Variants in SAMMSON observed in about 807,000 individuals in gnomAD.
SAMMSON encodes the protein survival associated mitochondrial melanoma specific oncogenic non-coding RNA.
chr3:70,192,574 A>G (rs930670620), intron 4 of SAMMSON, among the ~76,000 whole-genome samples: 5 of 151,822 alleles, frequency 3.3e-5, no homozygotes, highest in Admixed American at 2.0e-4. Flanking sequence ...AACAACCCCT[A>G]CTCTCTTGAA....
intron 4 of SAMMSON, among the ~76,000 whole-genome samples, chr3:70,201,162 G>T (rs1047657083): frequency 1.3e-5 from 2 of 151,962 alleles, no homozygotes; most frequent in African/African-American, 4.8e-5. Context: ...ATTAAGTCTA[G>T]TACTCATTAT....
intron 3 of SAMMSON, among the ~76,000 whole-genome samples, chr3:70,047,123 G>A: frequency 6.6e-6 from 1 of 152,110 alleles, no homozygotes; most frequent in East Asian, 1.9e-4. Context: ...AATGTTAACA[G>A]TAATAGCAGT....
chr3:70,313,038 G>GT (rs1702468650), intron 7 of SAMMSON, among the ~76,000 whole-genome samples: 1 of 152,048 alleles, frequency 6.6e-6, no homozygotes, highest in African/African-American at 2.4e-5. Context: ...AAAAGTGAGT[G>GT]TTTTTTCCAC....
intron 1 of SAMMSON, among the ~76,000 whole-genome samples, chr3:70,008,836 T>G (rs987209986): frequency 7.9e-5 from 12 of 152,344 alleles, no homozygotes; most frequent in East Asian, 7.7e-4. Context: ...TTATTGATAG[T>G]TTTTAGCATG....
intron 4 of SAMMSON, among the ~76,000 whole-genome samples, chr3:70,181,248 G>A (rs1701051451): frequency 6.6e-6 from 1 of 152,178 alleles, no homozygotes; most frequent in African/African-American, 2.4e-5. Context: ...CTCTTGAAAG[G>A]CAAAGTGGCC....
intron 9 of SAMMSON, among the ~76,000 whole-genome samples, chr3:70,363,056 G>C (rs1302888032): frequency 1.3e-5 from 2 of 151,726 alleles, no homozygotes; most frequent in East Asian, 3.9e-4. Context: ...TAAAGACAAA[G>C]GGGAATGAAA....
At chr3:70,111,689 T>C (rs1472264872) in intron 4 of SAMMSON, among the ~76,000 whole-genome samples, 1 of 152,170 alleles carries the variant, frequency 6.6e-6, no homozygotes, top group Non-Finnish European at 1.5e-5. Flanking sequence ...TTAAATTTCC[T>C]GAAGGCTTCA....
chr3:70,323,355 A>G (rs1342584018), intron 7 of SAMMSON, among the ~76,000 whole-genome samples: 3 of 152,150 alleles, frequency 2.0e-5, no homozygotes, highest in Non-Finnish European at 4.4e-5. Context: ...CTACATTGCC[A>G]GCTCATTTCT....
intron 4 of SAMMSON, chr3:70,205,254 G>T (rs1377762679): frequency 6.6e-6 from 1 of 152,064 alleles, no homozygotes; most frequent in African/African-American, 2.4e-5. Flanking sequence ...ACAATCAGCT[G>T]GTACTGTGTC....
chr3:70,432,955 T>C (rs781115852), intron 2 of SAMMSON, among the ~76,000 whole-genome samples: 1 of 152,090 alleles, frequency 6.6e-6, no homozygotes, highest in Non-Finnish European at 1.5e-5. Flanking sequence ...TTCAGCAATA[T>C]GCATTTAAGA....
intron 9 of SAMMSON, among the ~76,000 whole-genome samples, chr3:70,369,338 A>T (rs1162393840): frequency 6.6e-6 from 1 of 151,644 alleles, no homozygotes; most frequent in African/African-American, 2.4e-5. Flanking sequence ...TCTTCCCTTC[A>T]TGACTTTTAA....
intron 2 of SAMMSON, among the ~76,000 whole-genome samples, chr3:70,420,170 A>G (rs1701300035): frequency 1.3e-5 from 2 of 152,114 alleles, no homozygotes; most frequent in Admixed American, 6.6e-5. Context: ...TAATAGAACT[A>G]TTAGCTGTCT....
chr3:70,027,407 G>T (rs72935420), intron 3 of SAMMSON, among the ~76,000 whole-genome samples: 186 of 152,302 alleles, frequency 1.2e-3, no homozygotes, highest in African/African-American at 4.4e-3. Context: ...AAGTGAGCAA[G>T]AGGTGGACTA....
chr3:70,404,787 AT>A (rs1701166402), intron 2 of SAMMSON, among the ~76,000 whole-genome samples: 1 of 152,288 alleles, frequency 6.6e-6, no homozygotes, highest in Non-Finnish European at 1.5e-5. Flanking sequence ...ACAGCACTGT[AT>A]TTCTACACTG....
intron 4 of SAMMSON, among the ~76,000 whole-genome samples, chr3:70,219,289 A>G (rs1701441348): frequency 6.6e-6 from 1 of 152,224 alleles, no homozygotes; most frequent in Non-Finnish European, 1.5e-5. Flanking sequence ...CAATCAGTCT[A>G]GCACTTACAG....
intron 4 of SAMMSON, among the ~76,000 whole-genome samples, chr3:70,074,447 T>G (rs57240203): frequency 0.02 from 3,023 of 152,224 alleles, 103 homozygotes; most frequent in African/African-American, 0.067. Context: ...TTTTGTGTGT[T>G]TCTTGTGAAA....
chr3:70,312,178 A>T (rs1007112676), intron 7 of SAMMSON, among the ~76,000 whole-genome samples: 3 of 152,130 alleles, frequency 2.0e-5, no homozygotes, highest in African/African-American at 7.2e-5. Context: ...ACTTTATATG[A>T]TATTTCTTTG....
At chr3:70,224,105 T>C (rs550479411) in intron 4 of SAMMSON, among the ~76,000 whole-genome samples, 79 of 152,300 alleles carry the variant, frequency 5.2e-4, no homozygotes, top group African/African-American at 1.9e-3. Flanking sequence ...TCCAAATCCC[T>C]GTGTGTATCT....
chr3:70,396,062 A>T (rs908124552), intron 2 of SAMMSON, among the ~76,000 whole-genome samples: 14 of 152,106 alleles, frequency 9.2e-5, no homozygotes, highest in African/African-American at 3.4e-4. Flanking sequence ...CCTTTTCTTC[A>T]CCTTTAAAAT....
Sources: gnomAD v4.1 joint callset for allele counts (sites outside exome capture counted in the v4.1 genomes callset) on GRCh38, gnomAD v4.1.1 for gene constraint, MANE v1.5 for transcripts, NCBI Gene and HGNC (gene_info 2026-07-23, HGNC 2026-07-21) for gene names.